EXD3: variants seen among roughly 807,000 people sequenced by gnomAD.
EXD3 encodes the protein exonuclease mut-7 homolog.
A neutral mutation model predicts 98.0 loss-of-function variants in EXD3; 92 were observed. The ratio of observed to expected loss-of-function variants is 0.94; its 90% CI spans 0.79 to 1.12. The LOEUF is 1.12. Among genes scored for constraint, EXD3 ranks in the 50% most tolerant of loss-of-function variants. The pLI is 0.00. For missense variants in EXD3, 1,222 were observed against 1,191.6 expected (o/e 1.03, Z -0.38); for synonymous variants, 569 against 526.0 (o/e 1.08, Z -1.12).
chr9:137,330,125 A>AGGAGGTACACAGGAGCTACACC (rs1832938046), intron 17 of EXD3, among the ~76,000 whole-genome samples: 1 of 121,268 alleles, frequency 8.2e-6, no homozygotes, highest in Admixed American at 7.7e-5. Context: ...GGAGCTACAC[A>AGGAGGTACACAGGAGCTACACC]GGAGCTACAC....
At chr9:137,315,063 G>C (rs961536480) in intron 19 of EXD3, among the ~76,000 whole-genome samples, 1 of 152,162 alleles carries the variant, frequency 6.6e-6, no homozygotes, top group Non-Finnish European at 1.5e-5. Context: ...CAGCTCCCTT[G>C]GAATGTGCCC....
intron 12 of EXD3, 128 bp from the exon 13 acceptor site, chr9:137,351,656 T>C: frequency 1.2e-6 from 1 of 858,952 alleles, no homozygotes. Context: ...CCTGCATGTT[T>C]ATAGGGCTGG....
At chr9:137,341,467 G>T (rs1419004201) in intron 17 of EXD3, among the ~76,000 whole-genome samples, 1 of 152,228 alleles carries the variant, frequency 6.6e-6, no homozygotes, top group Non-Finnish European at 1.5e-5. Flanking sequence ...AAGGGAAAAG[G>T]CACATGGGGC....
At chr9:137,351,176 C>A (rs371400451) in intron 13 of EXD3, 29 bp from the exon 14 acceptor site, 2 of 1,549,654 alleles carry the variant, frequency 1.3e-6, no homozygotes, top group Non-Finnish European at 1.7e-6. Flanking sequence ...GTGGGAGGGG[C>A]GCCTGCAGGC....
chr9:137,374,448 G>T, intron 3 of EXD3: 1 of 545,954 alleles, frequency 1.8e-6, no homozygotes, highest in Non-Finnish European at 2.3e-6. Context: ...CCTGCGATGT[G>T]GATGGTGTGC....
At chr9:137,353,413 C>T (rs940005750) in intron 10 of EXD3, 1 of 985,378 alleles carries the variant, frequency 1.0e-6, no homozygotes. Context: ...CTCCTCTTGC[C>T]AGGGGAGCCC....
rs1378930957 is a variant in EXD3, at chr9:137,309,659, C to T, written c.2226G>A (p.Met742Ile). 2.6e-6 allele frequency: 4 copies of T among 1,561,394 alleles called. No homozygotes were observed. The highest frequency in any genetic ancestry group is 3.5e-6 in the Non-Finnish European group (4 of 1,152,756). Residue 742 changes from methionine to isoleucine, a missense_variant, in exon 20 of 22, where the codon ATG (methionine) becomes ATA (isoleucine). Physicochemically the swap from Met to Ile is conservative, Grantham distance 10 (BLOSUM62 1). Coordinates refer to ENST00000340951, the MANE Select transcript of EXD3 (RefSeq NM_017820.5). Reference protein sequence around the residue: ...CDQYLKVSRDMMKQLMWLSSH... With the variant: ...CDQYLKVSRDIMKQLMWLSSH... ...TGCTGAGCCACATGAGCTGCTTCAT[C>T]ATGTCCCTGGAGACCTTTAGGTACT...
intron 5 of EXD3, 61 bp from the exon 6 acceptor site, chr9:137,368,050 G>A (rs1835362141): frequency 1.4e-6 from 2 of 1,406,822 alleles, no homozygotes; most frequent in Non-Finnish European, 2.0e-6. Context: ...AGCACGGCGG[G>A]TGAGGGGGCT....
intron 17 of EXD3, among the ~76,000 whole-genome samples, chr9:137,335,078 A>G (rs563200255): frequency 6.6e-6 from 1 of 151,826 alleles, no homozygotes; most frequent in Admixed American, 6.6e-5. Flanking sequence ...CTCTGTCTCA[A>G]AAGGAAAAAA....
At chr9:137,348,366 G>C (rs967978084) in intron 16 of EXD3, 128 bp from the exon 17 acceptor site, 42 of 1,119,924 alleles carry the variant, frequency 3.8e-5, no homozygotes, top group Non-Finnish European at 5.1e-5. Flanking sequence ...ATAAAACTGT[G>C]TGTGCTGTGC....
chr9:137,355,663 AGGAGAAAG>A (rs1564509035), intron 8 of EXD3, among the ~76,000 whole-genome samples: 130 of 125,382 alleles, frequency 1.0e-3, no homozygotes, highest in Admixed American at 2.1e-3. Context: ...GGAAGGAGGA[AGGAGAAAG>A]GGAGGATGGA....
At chr9:137,398,897 C>A (rs1837353195) in intron 1 of EXD3, among the ~76,000 whole-genome samples, 1 of 151,410 alleles carries the variant, frequency 6.6e-6, no homozygotes, top group Admixed American at 6.6e-5. Context: ...CACCCGCGTC[C>A]CCAAGACACA....
In EXD3 at chr9:137,373,580, C is replaced by G. The variant is rs772998306; in HGVS notation, c.140G>C (p.Arg47Pro). 6.2e-7 allele frequency: 1 copy of G among 1,602,272 alleles called. No individual in the cohort carries two copies. Among genetic ancestry groups the G allele is most frequent in the Non-Finnish European group, 8.5e-7 (1 of 1,175,244 alleles). ...GGGGTCGTCCAAGGCAGCAAACCCCCGCCAGGCTTCCTCCCGGAGCTGTGG... is the reference window on the plus strand; with the variant it reads ...GGGGTCGTCCAAGGCAGCAAACCCCGGCCAGGCTTCCTCCCGGAGCTGTGG... The part of the protein sequence containing the change: ...ERKQLREEAW[R>P]GFAALDDPLA... Residue 47 changes from arginine (R) to proline (P), a missense_variant, in exon 4 of 22, where the codon CGG becomes CCG. Physicochemically the swap from Arg to Pro is moderately radical, Grantham distance 103 (BLOSUM62 -2). Transcript: ENST00000340951.
rs1242343781 is a variant in EXD3 at position 137,382,757 on chromosome 9, G to A, written c.120+556C>T. Among the ~76,000 whole-genome samples, 5 of 152,072 alleles carry A rather than the reference G, an allele frequency of 3.3e-5. No homozygotes were observed. In the East Asian group the frequency reaches 5.8e-4, roughly 18 times the overall value. On this transcript the variant is annotated intron_variant, in intron 3 of 21. Transcript: ENST00000340951. ...CCCCCGGACCTGCAGGAGCGACCTCGGGCCAGAGGACGCGGCACTCAGGAC... is the reference window on the plus strand; with the variant it reads ...CCCCCGGACCTGCAGGAGCGACCTCAGGCCAGAGGACGCGGCACTCAGGAC...
chr9:137,388,798 C>T (rs928653673), intron 2 of EXD3, among the ~76,000 whole-genome samples: 6 of 152,208 alleles, frequency 3.9e-5, no homozygotes, highest in South Asian at 2.1e-4. Context: ...CACCTGCCAG[C>T]AGCATCAGAC....
In EXD3 at chr9:137,407,217, A is replaced by G. The variant is rs368963778; in HGVS notation, c.-47-11813T>C. Among the ~76,000 whole-genome samples the G allele has an allele frequency of 9.2e-5, 14 of 152,222 alleles. No homozygotes were observed. The East Asian group carries it at 1.9e-3, about 21-fold the overall frequency. ...CCTCCGTCTCAGCCGCGTCGGTCCC[A>G]GGCGCCTCCCCTACCCGCACGCCCA... On this transcript the variant is annotated intron_variant, in intron 1 of 21. Coordinates refer to ENST00000340951, the MANE Select transcript of EXD3 (RefSeq NM_017820.5). This position sits in a 1 kb window ranked among gnomAD's most constrained non-coding sequence, Gnocchi z 4.4.
At chr9:137,408,171 C>T (rs1045954269) in intron 1 of EXD3, among the ~76,000 whole-genome samples, 20 of 152,118 alleles carry the variant, frequency 1.3e-4, no homozygotes, top group African/African-American at 4.3e-4. Context: ...GTGACTCTTC[C>T]TCTGGGCGCC....
intron 8 of EXD3, 32 bp from the exon 9 acceptor site, chr9:137,354,805 C>T: frequency 6.3e-7 from 1 of 1,591,262 alleles, no homozygotes; most frequent in Non-Finnish European, 8.5e-7. Flanking sequence ...GCACTGAGGG[C>T]TCAGGGCAGC....
At chr9:137,399,493 G>A (rs58833156) in intron 1 of EXD3, among the ~76,000 whole-genome samples, 2 of 152,110 alleles carry the variant, frequency 1.3e-5, no homozygotes, top group Non-Finnish European at 2.9e-5. Flanking sequence ...TCACTGAAAG[G>A]TTCATTTCTG....
Sources: gnomAD v4.1 joint callset for allele counts (sites outside exome capture counted in the v4.1 genomes callset) on GRCh38, gnomAD v4.1.1 for gene constraint, Gnocchi (gnomAD v3.1) non-coding constraint, MANE v1.5 for transcripts, NCBI Gene and HGNC (gene_info 2026-07-23, HGNC 2026-07-21) for gene names.